The following GOSR2 variants were observed in gnomAD, a reference collection of about 807,000 sequenced individuals.
GOSR2 encodes golgi SNAP receptor complex member 2.
In GOSR2, 20 loss-of-function variants were observed where a neutral mutation model predicts 27.9. The ratio of observed to expected loss-of-function variants is 0.72; its 90% confidence interval spans 0.50 to 1.04. The LOEUF is 1.04. Among genes scored for constraint, GOSR2 ranks in the 50% least tolerant of loss-of-function variants. GOSR2 has a pLI of 0.00. For missense variants in GOSR2, 261 were observed against 270.5 expected (o/e 0.97, Z 0.25); for synonymous variants, 91 against 98.8 (o/e 0.92, Z 0.47).
Position 46,939,595 on chromosome 17 carries a change from T to A in GOSR2, c.*835T>A. ...AGGCAAAGATTTGTGATTTTCCAAT[T>A]ACAGTCTCAGCTCTAGTTTTAGTAT... On this transcript the variant is annotated 3_prime_UTR_variant, in exon 6 of 6. Coordinates refer to ENST00000640051, the MANE Select transcript of GOSR2 (RefSeq NM_004287.5). 1.0e-6 allele frequency: 1 copy of A among 985,428 alleles called. No individual in the cohort carries two copies. Among genetic ancestry groups the A allele is most frequent in the South Asian group, 4.7e-5 (1 of 21,286 alleles). The allele number at this position is 985,428 out of a possible 1,614,324, so 61.0% of individuals were successfully genotyped here. A position where few individuals can be genotyped will look rare whatever the true frequency, so the allele number is the denominator to read the frequency against.
chr17:46,972,728 C>G (rs1238296339), intron 6 of GOSR2, among the ~76,000 whole-genome samples: 2 of 152,194 alleles, frequency 1.3e-5, no homozygotes, highest in African/African-American at 4.8e-5. Context: ...CTGGCTGACG[C>G]TGGCTACCCA....
At chr17:46,925,336 C>T (rs904920372) in intron 1 of GOSR2, among the ~76,000 whole-genome samples, 1 of 152,250 alleles carries the variant, frequency 6.6e-6, no homozygotes, top group Non-Finnish European at 1.5e-5. Context: ...TACCCCGACA[C>T]TCATTAATTC....
chr17:46,937,860 A>C (rs1422271543), intron 5 of GOSR2: 1 of 152,502 alleles, frequency 6.6e-6, no homozygotes, highest in Non-Finnish European at 1.5e-5. Flanking sequence ...CATTGTTTTC[A>C]GTATGTATTT....
chr17:46,934,495 C>G (rs968539046), intron 4 of GOSR2, among the ~76,000 whole-genome samples: 2 of 152,184 alleles, frequency 1.3e-5, no homozygotes, highest in African/African-American at 2.4e-5. Context: ...GCACTCCACC[C>G]TGGGTGACAG....
intron 1 of GOSR2, among the ~76,000 whole-genome samples, chr17:46,925,271 A>G (rs1397350317): frequency 1.3e-5 from 2 of 152,228 alleles, no homozygotes; most frequent in Non-Finnish European, 2.9e-5. Flanking sequence ...GTACAATTTT[A>G]TTTATCAAAA....
At chr17:46,934,054 A>G (rs1480894030) in intron 4 of GOSR2, among the ~76,000 whole-genome samples, 8 of 152,202 alleles carry the variant, frequency 5.3e-5, no homozygotes, top group Admixed American at 1.3e-4. Flanking sequence ...GCTCCTGCCT[A>G]TAGTCCACTT....
chr17:46,965,299 C>G (rs2091264056), intron 6 of GOSR2, among the ~76,000 whole-genome samples: 1 of 152,212 alleles, frequency 6.6e-6, no homozygotes, highest in South Asian at 2.1e-4. Context: ...TTCTCCTTTT[C>G]TGCATCCTCC....
At chr17:46,928,563 G>T (rs532132369) in intron 1 of GOSR2, among the ~76,000 whole-genome samples, 1 of 152,254 alleles carries the variant, frequency 6.6e-6, no homozygotes, top group South Asian at 2.1e-4. Flanking sequence ...CCAGACCGTG[G>T]GAAGCCTCCA....
intron 4 of GOSR2, among the ~76,000 whole-genome samples, chr17:46,934,666 A>G (rs565551556): frequency 6.6e-6 from 1 of 152,388 alleles, no homozygotes; most frequent in South Asian, 2.1e-4. Context: ...GGAAAGGAAC[A>G]TTTGGAACCA....
chr17:46,940,387 T>C lies in GOSR2; in HGVS notation c.*1627T>C. 1 of 1,542,038 alleles carries C rather than the reference T, an allele frequency of 6.5e-7. No homozygotes were observed. Among genetic ancestry groups the C allele is most frequent in the Non-Finnish European group, 8.7e-7 (1 of 1,148,640 alleles). Reference sequence around the variant, plus strand: ...TTAAAGCAGTGACTGGAGGGTGGACTGGGGGGTTGCAGCATCTTTAGACCT... The same window carrying C: ...TTAAAGCAGTGACTGGAGGGTGGACCGGGGGGTTGCAGCATCTTTAGACCT... On this transcript the variant is annotated 3_prime_UTR_variant, in exon 6 of 6. Transcript: ENST00000640051.
In GOSR2 at chr17:46,931,160, G is replaced by A. The variant is rs775618697; in HGVS notation, c.156G>A (p.Glu52=). The change falls in exon 3 of 6, where the codon GAG becomes GAA. Residue 52 remains glutamate (E), a synonymous_variant. Coordinates refer to ENST00000640051, the MANE Select transcript of GOSR2 (RefSeq NM_004287.5). The part of the protein sequence containing the change: ...DQIFSRLERL[E]ILSSKEPPNK... Reference sequence around the variant, plus strand: ...TATTCAGCCGTCTAGAACGTCTGGAGATTTTGTCCAGCAAGGAGCCCCCTA... The same window carrying A: ...TATTCAGCCGTCTAGAACGTCTGGAAATTTTGTCCAGCAAGGAGCCCCCTA... 1.4e-5 allele frequency: 23 copies of A among 1,611,414 alleles called. No individual in the cohort carries two copies. In the South Asian group the frequency reaches 2.4e-4, roughly 17 times the overall value.
At position 46,932,217 on chromosome 17, in the gene GOSR2, T is replaced by C; in HGVS notation, c.336+18T>C. 5 of 1,613,732 alleles carry C rather than the reference T, an allele frequency of 3.1e-6. No individual in the cohort carries two copies. Among genetic ancestry groups the C allele is most frequent in the Non-Finnish European group, 4.2e-6 (5 of 1,179,976 alleles). ...CCACTAACGTAAGCCAGGCCCGTGG[T>C]GAGGGTCGGCCTGCACTTGACAGAT... On this transcript the variant is annotated intron_variant, in intron 4 of 5. Transcript: ENST00000640051.
chr17:46,960,914 T>C (rs1323263720), intron 6 of GOSR2, among the ~76,000 whole-genome samples: 1 of 152,214 alleles, frequency 6.6e-6, no homozygotes, highest in Non-Finnish European at 1.5e-5. Flanking sequence ...GTGTTCATGA[T>C]GACACAACTC....
At chr17:46,943,173 C>A (rs547303391), downstream of GOSR2, among the ~76,000 whole-genome samples, 11 of 152,056 alleles carry the variant, frequency 7.2e-5, no homozygotes, top group Admixed American at 4.6e-4. Context: ...TTCCCCTGGC[C>A]GCACCGTGGG....
downstream of GOSR2, among the ~76,000 whole-genome samples, chr17:46,943,622 A>C (rs186685241): frequency 1.6e-4 from 24 of 152,256 alleles, no homozygotes; most frequent in African/African-American, 5.3e-4. Context: ...TAGTAGGCGC[A>C]GGCGCCATCG....
chr17:46,953,056 T>G (rs1249437922), intron 6 of GOSR2, among the ~76,000 whole-genome samples: 3 of 152,082 alleles, frequency 2.0e-5, no homozygotes, highest in African/African-American at 7.2e-5. Flanking sequence ...TTTTATTTTA[T>G]TATTATTTTA....
chr17:46,960,043 T>C (rs2090963464), intron 6 of GOSR2, among the ~76,000 whole-genome samples: 1 of 152,202 alleles, frequency 6.6e-6, no homozygotes, highest in Non-Finnish European at 1.5e-5. Flanking sequence ...TGTCAGCCTC[T>C]CAGGACTGAT....
At chr17:46,961,107 T>C (rs2091023674) in intron 6 of GOSR2, among the ~76,000 whole-genome samples, 1 of 152,106 alleles carries the variant, frequency 6.6e-6, no homozygotes, top group African/African-American at 2.4e-5. Context: ...AATGTAAACA[T>C]TTAAAGTCCT....
chr17:46,941,242 G>T lies in GOSR2; in HGVS notation c.*2482G>T. The T allele has an allele frequency of 1.0e-6, 1 of 994,964 alleles. No individual in the cohort carries two copies. The highest frequency in any genetic ancestry group is 1.2e-6 in the Non-Finnish European group (1 of 834,428). The allele number at this position is 994,964 out of a possible 1,614,324, so 61.6% of individuals were successfully genotyped here. A position where few individuals can be genotyped will look rare whatever the true frequency, so the allele number is the denominator to read the frequency against. On this transcript the variant is annotated 3_prime_UTR_variant, in exon 6 of 6. Coordinates refer to ENST00000640051, the MANE Select transcript of GOSR2 (RefSeq NM_004287.5). Reference sequence around the variant, plus strand: ...GTCTTGATTTTTTAGACTTCACTGCGGAGTTCTGTACACCCTTTGCCCTGA... The same window carrying T: ...GTCTTGATTTTTTAGACTTCACTGCTGAGTTCTGTACACCCTTTGCCCTGA...
Sources: allele counts gnomAD v4.1 joint callset (sites outside exome capture counted in the v4.1 genomes callset), GRCh38; gene constraint gnomAD v4.1.1; transcripts MANE v1.5; gene names NCBI Gene and HGNC (gene_info 2026-07-23, HGNC 2026-07-21).